MRPL39: variants seen among roughly 807,000 people sequenced by gnomAD.
The protein encoded by MRPL39 is large ribosomal subunit protein mL39.
Under a neutral mutation model 44.5 loss-of-function variants are expected in MRPL39, and 35 were observed. The ratio of observed to expected loss-of-function variants is 0.79; its 90% CI spans 0.60 to 1.04. MRPL39 has a LOEUF of 1.04. MRPL39 is among the 50% of genes least tolerant of loss of function. MRPL39 has a pLI of 0.00. For missense variants in MRPL39, 433 were observed against 413.5 expected (o/e 1.05, Z -0.41); for synonymous variants, 139 against 136.1 (o/e 1.02, Z -0.15).
At chr21:25,606,676 A>C (rs2031685568) in intron 1 of MRPL39, 21 bp from the exon 2 acceptor site, 1 of 1,574,856 alleles carries the variant, frequency 6.3e-7, no homozygotes. Flanking sequence ...GTTACAATAA[A>C]TATGAAGACT....
intron 5 of MRPL39, among the ~76,000 whole-genome samples, chr21:25,599,174 C>T (rs1237502469): frequency 1.3e-5 from 2 of 152,210 alleles, no homozygotes; most frequent in African/African-American, 4.8e-5. Context: ...TCTGTTGCTA[C>T]CCAAGTCCCA....
Position 25,588,836 on chromosome 21 carries a change from AT to A in MRPL39, c.967del (p.Met323TrpfsTer2). 6.2e-7 allele frequency: 1 copy of A among 1,612,170 alleles called. No individual in the cohort carries two copies. On this transcript the variant is annotated frameshift_variant and splice_region_variant, in exon 9 of 10. Transcript: ENST00000352957. LOFTEE classifies it high-confidence loss of function. ...WDKLLERSRK[M>X]VTEDQSKATE... The stretch of plus-strand genomic sequence containing the variant: ...TCAATAGCTGTCAAAAACACTTACC[AT>A]TTTCCGAGATCTTTCCAATAGCTTA...
chr21:25,600,850 G>C (rs1450473732), intron 4 of MRPL39, among the ~76,000 whole-genome samples: 1 of 152,192 alleles, frequency 6.6e-6, no homozygotes, highest in Non-Finnish European at 1.5e-5. Context: ...GCTCACGCCT[G>C]TAATCCCAGC....
intron 9 of MRPL39, among the ~76,000 whole-genome samples, chr21:25,587,114 A>T (rs2031021116): frequency 6.6e-6 from 1 of 152,182 alleles, no homozygotes; most frequent in African/African-American, 2.4e-5. Context: ...AAAAATATGT[A>T]TTGACTAACA....
intron 9 of MRPL39, among the ~76,000 whole-genome samples, chr21:25,586,383 C>G (rs555567591): frequency 6.6e-6 from 1 of 152,206 alleles, no homozygotes; most frequent in Non-Finnish European, 1.5e-5. Context: ...GTCATTCTCC[C>G]TATCGCGGCT....
At chr21:25,603,600 A>G (rs1023053555) in intron 3 of MRPL39, among the ~76,000 whole-genome samples, 196 bp downstream of exon 3, 1 of 152,226 alleles carries the variant, frequency 6.6e-6, no homozygotes, top group Non-Finnish European at 1.5e-5. Context: ...AGCATACAAA[A>G]ATACCCACAA....
chr21:25,588,728 T>C, intron 9 of MRPL39, 107 bp downstream of exon 9: 1 of 1,072,118 alleles, frequency 9.3e-7, no homozygotes, highest in South Asian at 1.5e-5. Flanking sequence ...AACTTACTTT[T>C]TTCCTTTCTC....
rs749387692 is a variant in MRPL39, at chr21:25,601,402, A to G, written c.486T>C (p.Tyr162=). 7 of 1,611,128 alleles carry G rather than the reference A, an allele frequency of 4.3e-6. No homozygotes were observed. The African/African-American group carries it at 9.4e-5, about 22-fold the overall frequency. ...CTGGAGCTCTGACCAAATTGACCAT[A>G]TATTCATCTTTGAATGCCCTCTCTA... is the stretch of plus-strand genomic sequence containing the variant. ...CVIERAFKDE[Y]MVNLVRAPEV... is the part of the protein sequence containing the mutation. The change falls in exon 4 of 10, where the codon TAT becomes TAC. Residue 162 remains tyrosine, a synonymous_variant. Coordinates refer to ENST00000352957, the MANE Select transcript of MRPL39 (RefSeq NM_017446.4).
intron 9 of MRPL39, among the ~76,000 whole-genome samples, chr21:25,587,129 T>C (rs922051512): frequency 1.3e-5 from 2 of 152,240 alleles, no homozygotes; most frequent in Admixed American, 6.5e-5. Flanking sequence ...CTAACATCAC[T>C]AGATATTCTA....
intron 3 of MRPL39, among the ~76,000 whole-genome samples, 179 bp downstream of exon 3, chr21:25,603,617 G>A (rs2031581498): frequency 6.6e-6 from 1 of 152,134 alleles, no homozygotes; most frequent in Non-Finnish European, 1.5e-5. Flanking sequence ...ACAAATGGAT[G>A]CCACTGATAA....
chr21:25,596,597 C>T (rs2031368011), intron 6 of MRPL39, among the ~76,000 whole-genome samples: 1 of 152,112 alleles, frequency 6.6e-6, no homozygotes. Flanking sequence ...TGTAATTCAA[C>T]TTCTATATAC....
intron 8 of MRPL39, among the ~76,000 whole-genome samples, chr21:25,590,274 T>C (rs560889738): frequency 2.6e-5 from 4 of 151,828 alleles, no homozygotes; most frequent in African/African-American, 7.2e-5. Flanking sequence ...CTTAAACAAC[T>C]AAGGAAACCA....
intron 1 of MRPL39, 133 bp downstream of exon 1, chr21:25,607,270 C>T: frequency 1.0e-6 from 1 of 952,906 alleles, no homozygotes. Context: ...CAAGAGCGAC[C>T]GCCGCGGAGG....
intron 5 of MRPL39, 126 bp downstream of exon 5, chr21:25,599,673 G>C: frequency 1.3e-6 from 1 of 765,792 alleles, no homozygotes; most frequent in Non-Finnish European, 2.1e-6. Flanking sequence ...TAGATACATA[G>C]ATAGATACAT....
intron 3 of MRPL39, among the ~76,000 whole-genome samples, chr21:25,602,735 T>C (rs898195746): frequency 2.0e-5 from 3 of 152,208 alleles, no homozygotes; most frequent in Non-Finnish European, 4.4e-5. Flanking sequence ...ACAAAGCAGA[T>C]GGCCTTTTAA....
chr21:25,606,808 T>C (rs2123263234), intron 1 of MRPL39, among the ~76,000 whole-genome samples, 153 bp from the exon 2 acceptor site: 1 of 152,322 alleles, frequency 6.6e-6, no homozygotes, highest in East Asian at 1.9e-4. Flanking sequence ...TACTTTTAAA[T>C]TTGGCTCTTT....
chr21:25,592,586 T>C lies in MRPL39; in HGVS notation c.921+226A>G, dbSNP rs1047976251. Among the ~76,000 whole-genome samples, 5 of 152,336 alleles carry C rather than the reference T, an allele frequency of 3.3e-5. No homozygotes were observed. In the South Asian group the frequency reaches 1.0e-3, roughly 32 times the overall value. ...CCTCACCTATGCTAACTTGAAATTT[T>C]TAAATGCTATGTCAATTTAATTTTT... On this transcript the variant is annotated intron_variant, in intron 8 of 9. Coordinates refer to ENST00000352957, the MANE Select transcript of MRPL39 (RefSeq NM_017446.4).
chr21:25,601,809 A>C (rs1000766171), intron 3 of MRPL39, among the ~76,000 whole-genome samples: 2 of 152,244 alleles, frequency 1.3e-5, no homozygotes, highest in Admixed American at 1.3e-4. Flanking sequence ...TGCTAAAGTA[A>C]AATAAATATA....
chr21:25,587,253 A>T (rs571887193), intron 9 of MRPL39, among the ~76,000 whole-genome samples: 3 of 152,046 alleles, frequency 2.0e-5, no homozygotes, highest in South Asian at 2.1e-4. Flanking sequence ...AGCTTTTTAA[A>T]TTTTTTTTAA....
Sources: allele counts gnomAD v4.1 joint callset (sites outside exome capture counted in the v4.1 genomes callset), GRCh38; gene constraint gnomAD v4.1.1; transcripts MANE v1.5; gene names NCBI Gene and HGNC (gene_info 2026-07-23, HGNC 2026-07-21).